The following KIF11 variants were observed in gnomAD, a reference collection of about 807,000 sequenced individuals.
KIF11 encodes the protein kinesin family member 11.
A neutral mutation model predicts 121.0 loss-of-function variants in KIF11; 9 were observed. The ratio of observed to expected loss-of-function variants is 0.07; its 90% CI spans 0.04 to 0.13. The LOEUF (loss-of-function observed/expected upper bound fraction) is 0.13, where lower values mean the gene tolerates loss of function less well. KIF11 is among the 10% of genes least tolerant of loss of function. The pLI is 1.00. For missense variants in KIF11, 846 were observed against 1,217.5 expected (o/e 0.69, Z 4.54); for synonymous variants, 408 against 421.0 (o/e 0.97, Z 0.38).
intron 1 of KIF11, 74 bp from the exon 2 acceptor site, chr10:92,606,191 G>T (rs1844428767): frequency 7.1e-7 from 1 of 1,404,450 alleles, no homozygotes; most frequent in Admixed American, 2.6e-5. Context: ...CTTGACAAAT[G>T]TAGTTAGTGA....
Position 92,609,066 on chromosome 10 carries a change from A to G in KIF11, c.434A>G (p.Glu145Gly). 6.3e-7 allele frequency: 1 copy of G among 1,596,248 alleles called. No individual in the cohort carries two copies. The highest frequency in any genetic ancestry group is 1.1e-5 in the South Asian group (1 of 88,880). Residue 145 changes from glutamate to glycine, a missense_variant, in exon 5 of 22, where the codon GAG becomes GGG. This residue lies in a region of KIF11 where 140 missense variants were observed against 193.5 expected (regional missense o/e 0.72). Coordinates refer to ENST00000260731, the MANE Select transcript of KIF11 (RefSeq NM_004523.4). ...CCACGTACCCTTCATCAAATTTTTG[A>G]GAAACTTACTGATAATGGTACTGAA... Reference protein sequence around the residue: ...IIPRTLHQIFEKLTDNGTEFS... With the variant: ...IIPRTLHQIFGKLTDNGTEFS...
At chr10:92,617,600 A>G (rs989452517) in intron 9 of KIF11, among the ~76,000 whole-genome samples, 2 of 152,154 alleles carry the variant, frequency 1.3e-5, no homozygotes, top group Non-Finnish European at 2.9e-5. Context: ...ATGTAGCTGT[A>G]CCACTTTGTA....
intron 1 of KIF11, among the ~76,000 whole-genome samples, chr10:92,595,057 C>T (rs1440047668): frequency 6.6e-6 from 1 of 152,096 alleles, no homozygotes; most frequent in African/African-American, 2.4e-5. Context: ...CTTTGCAGAT[C>T]ACATGTGGTT....
At chr10:92,625,271 A>G (rs1844661825) in intron 10 of KIF11, among the ~76,000 whole-genome samples, 1 of 151,884 alleles carries the variant, frequency 6.6e-6, no homozygotes, top group Admixed American at 6.6e-5. Flanking sequence ...TCTAACAATT[A>G]ATGGTGTTAA....
chr10:92,632,944 A>G (rs977154944), intron 13 of KIF11, among the ~76,000 whole-genome samples: 5 of 152,128 alleles, frequency 3.3e-5, no homozygotes, highest in African/African-American at 1.2e-4. Context: ...AAACGTTAGA[A>G]GTAGAAGTCC....
chr10:92,650,522 G>A lies in KIF11; in HGVS notation c.3039+5G>A. Reference sequence around the variant, plus strand: ...GGCGGGGTTCCATTTTTCCAGGTATGTCATATCAGATAACCCTTCCACATC... The same window carrying A: ...GGCGGGGTTCCATTTTTCCAGGTATATCATATCAGATAACCCTTCCACATC... On this transcript the variant is annotated splice_donor_5th_base_variant and intron_variant, in intron 21 of 21. Coordinates refer to ENST00000260731, the MANE Select transcript of KIF11 (RefSeq NM_004523.4). 1 of 1,475,702 alleles carries A rather than the reference G, an allele frequency of 6.8e-7. No homozygotes were observed. The highest frequency in any genetic ancestry group is 1.1e-5 in the South Asian group (1 of 88,190). The allele number at this position is 1,475,702 out of a possible 1,614,324, so 91.4% of individuals were successfully genotyped here. A position where few individuals can be genotyped will look rare whatever the true frequency, so the allele number is the denominator to read the frequency against.
Position 92,620,891 on chromosome 10 carries a change from T to C in KIF11, c.1129-494T>C, listed in dbSNP as rs141400193. 3.1e-3 allele frequency among the ~76,000 whole-genome samples: 468 copies of C among 152,346 alleles called. 3 individuals are homozygous for C. Among genetic ancestry groups the C allele is most frequent in the African/African-American group, 0.011 (444 of 41,588 alleles). ...TCCCTCCCGCAACGCGTGGGAATTA[T>C]GGGAGCTACAAGATGAGATTTAGGT... is the stretch of plus-strand genomic sequence containing the variant. On this transcript the variant is annotated intron_variant, in intron 9 of 21. Coordinates refer to ENST00000260731, the MANE Select transcript of KIF11 (RefSeq NM_004523.4).
chr10:92,644,588 G>A (rs1045545076), intron 17 of KIF11, among the ~76,000 whole-genome samples: 2 of 152,086 alleles, frequency 1.3e-5, no homozygotes, highest in African/African-American at 4.8e-5. Context: ...CAAAGTGCTG[G>A]GATTAGAGGT....
intron 18 of KIF11, among the ~76,000 whole-genome samples, chr10:92,647,436 TA>T (rs1301735591): frequency 1.3e-5 from 2 of 152,178 alleles, no homozygotes; most frequent in Admixed American, 6.5e-5. Context: ...ATTTGGATGA[TA>T]AATTATATAG....
rs544168237 is a variant in KIF11 at position 92,653,894 on chromosome 10, T to C, written c.*98T>C. On this transcript the variant is annotated 3_prime_UTR_variant, in exon 22 of 22. Transcript: ENST00000260731. The stretch of plus-strand genomic sequence containing the variant: ...CTTGTGTATAGATTTTAAAAGAATA[T>C]ATATATCAGCCGGGCGCGGTGGCTC... 22 of 1,132,048 alleles carry C rather than the reference T, an allele frequency of 1.9e-5. No homozygotes were observed. The East Asian group carries it at 5.7e-4, about 29-fold the overall frequency. The allele number at this position is 1,132,048 out of a possible 1,614,324, so 70.1% of individuals were successfully genotyped here.
Position 92,600,914 on chromosome 10 carries a change from G to A in KIF11, c.78-5351G>A, listed in dbSNP as rs894533224. On this transcript the variant is annotated intron_variant, in intron 1 of 21. Coordinates refer to ENST00000260731, the MANE Select transcript of KIF11 (RefSeq NM_004523.4). ...CTCGCTCTGTCGCCCAGGCTGGAGC[G>A]CGGTGGCGCCATCTCTGCTTACTGT... is the stretch of plus-strand genomic sequence containing the variant. 5.9e-5 allele frequency among the ~76,000 whole-genome samples: 9 copies of A among 151,774 alleles called. No homozygotes were observed. In the South Asian group the frequency reaches 6.2e-4, roughly 11 times the overall value.
chr10:92,654,347 C>T lies in KIF11; in HGVS notation c.*551C>T, dbSNP rs1845021923. ...TTCATATAAAGTAGTTCTTTTATAA[C>T]AAATGAAAAGTATTTTTCTTGTATA... On this transcript the variant is annotated 3_prime_UTR_variant, in exon 22 of 22. Coordinates refer to ENST00000260731, the MANE Select transcript of KIF11 (RefSeq NM_004523.4). The T allele has an allele frequency of 6.6e-6, 1 of 152,156 alleles. No individual in the cohort carries two copies. Among genetic ancestry groups the T allele is most frequent in the Non-Finnish European group, 1.5e-5 (1 of 68,080 alleles). 9.4% of individuals were successfully genotyped at this position (152,156 alleles called of 1,614,324 possible). A position where few individuals can be genotyped will look rare whatever the true frequency, so the allele number is the denominator to read the frequency against.
rs746877516 is a variant in KIF11 at position 92,633,690 on chromosome 10, A to T, written c.1770A>T (p.Thr590=). ...CTACAGTAGCACTTGGATCTCTCAC[A>T]TCTATTCCAGAAAATGTGTCTACTC... The part of the protein sequence containing the change: ...TITTVALGSL[T]SIPENVSTHV... Residue 590 remains threonine (T), a synonymous_variant, in exon 14 of 22, where the codon ACA becomes ACT. Transcript: ENST00000260731. 3 of 1,603,238 alleles carry T rather than the reference A, an allele frequency of 1.9e-6. No individual in the cohort carries two copies. The highest frequency in any genetic ancestry group is 2.6e-6 in the Non-Finnish European group (3 of 1,170,540).
At chr10:92,635,148 C>T (rs1251394236) in intron 14 of KIF11, among the ~76,000 whole-genome samples, 1 of 152,074 alleles carries the variant, frequency 6.6e-6, no homozygotes, top group African/African-American at 2.4e-5. Context: ...TTCAGCTTAA[C>T]AATATTTATT....
At chr10:92,632,226 G>A (rs566481717) in intron 12 of KIF11, among the ~76,000 whole-genome samples, 9 of 151,862 alleles carry the variant, frequency 5.9e-5, no homozygotes, top group Non-Finnish European at 1.0e-4. Context: ...AGTGGCAGTG[G>A]CACAATCTCT....
chr10:92,648,065 T>C (rs1013434342), intron 18 of KIF11, 147 bp from the exon 19 acceptor site: 48 of 590,284 alleles, frequency 8.1e-5, no homozygotes, highest in Middle Eastern at 4.4e-4. Context: ...GCACTACTCA[T>C]GCCACTGCAC....
At chr10:92,641,842 A>G (rs941989531) in intron 17 of KIF11, among the ~76,000 whole-genome samples, 1 of 152,174 alleles carries the variant, frequency 6.6e-6, no homozygotes, top group Non-Finnish European at 1.5e-5. Flanking sequence ...TTATAGATAC[A>G]TATATTCTCT....
intron 21 of KIF11, among the ~76,000 whole-genome samples, chr10:92,651,525 T>A (rs866027414): frequency 0.09 from 8,519 of 94,290 alleles, 1,224 homozygotes; most frequent in African/African-American, 0.27. Context: ...TTTTTTTTTT[T>A]TTTTTTTTTT....
Position 92,651,507 on chromosome 10 carries a change from GTTTTTTTTTTTTTTTTTTTT to G in KIF11, c.3039+1012_3039+1031del, listed in dbSNP as rs1175303233. Among the ~76,000 whole-genome samples the G allele has an allele frequency of 3.3e-3, 175 of 52,974 alleles. 8 individuals are homozygous for G. Among genetic ancestry groups the G allele is most frequent in the East Asian group, 0.032 (35 of 1,084 alleles). 34.8% of individuals were successfully genotyped at this position (52,974 alleles called of 152,430 possible). ...TGTGCCACCATGCCTGGCTAATTTT[GTTTTTTTTTTTTTTTTTTTT>G]TTTTTTTTTTTTTTTTTTTTTAGTA... On this transcript the variant is annotated intron_variant, in intron 21 of 21. Coordinates refer to ENST00000260731, the MANE Select transcript of KIF11 (RefSeq NM_004523.4).
Sources: allele counts gnomAD v4.1 joint callset (sites outside exome capture counted in the v4.1 genomes callset), GRCh38; gene constraint gnomAD v4.1.1; regional missense constraint gnomAD v4.1.1; transcripts MANE v1.5; gene names NCBI Gene and HGNC (gene_info 2026-07-23, HGNC 2026-07-21).